Variants in KIAA1549 observed in about 807,000 individuals in gnomAD.
KIAA1549 encodes the protein KIAA1549.
Under a neutral mutation model 156.4 loss-of-function variants are expected in KIAA1549, and 70 were observed. The ratio of observed to expected loss-of-function variants is 0.45; its 90% CI spans 0.37 to 0.55. KIAA1549 has a LOEUF of 0.55. KIAA1549 is among the 20% of genes least tolerant of loss of function. KIAA1549 has a pLI of 0.00. For missense variants in KIAA1549, 2,428 were observed against 2,540.9 expected, an observed-to-expected ratio of 0.96 and a Z score of 0.96; for synonymous variants, 1,103 against 1,066.4, an observed-to-expected ratio of 1.03 and a Z score of -0.67.
At chr7:138,941,332 G>T (rs1813178492) in intron 1 of KIAA1549, among the ~76,000 whole-genome samples, 1 of 152,068 alleles carries the variant, frequency 6.6e-6, no homozygotes, top group Non-Finnish European at 1.5e-5. Context: ...AGATAGTAAA[G>T]AATAAGGCAG....
chr7:138,977,142 C>T (rs566262847), intron 1 of KIAA1549, among the ~76,000 whole-genome samples: 2 of 152,140 alleles, frequency 1.3e-5, no homozygotes, highest in South Asian at 4.2e-4. Flanking sequence ...CTAATCAAAA[C>T]AACCAAAAAC....
At chr7:138,934,919 C>A (rs778913269) in intron 1 of KIAA1549, among the ~76,000 whole-genome samples, 2 of 152,168 alleles carry the variant, frequency 1.3e-5, no homozygotes, top group Admixed American at 1.3e-4. Flanking sequence ...TCAGCACTGG[C>A]AAAATACAAT....
At chr7:138,846,666 G>T (rs1347209622) in intron 17 of KIAA1549, among the ~76,000 whole-genome samples, 1 of 151,110 alleles carries the variant, frequency 6.6e-6, no homozygotes, top group African/African-American at 2.4e-5. Flanking sequence ...AAGTTGTTTT[G>T]ATCTCACAGA....
rs1809588623 is a variant in KIAA1549 at position 138,833,123 on chromosome 7, G to A, written c.*4783C>T. The A allele has an allele frequency of 8.6e-6, 2 of 232,240 alleles. No individual in the cohort carries two copies. The highest frequency in any genetic ancestry group is 6.1e-5 in the East Asian group (1 of 16,472). 14.4% of individuals were successfully genotyped at this position (232,240 alleles called of 1,614,324 possible). A position where few individuals can be genotyped will look rare whatever the true frequency, so the allele number is the denominator to read the frequency against. ...TGGATAAGCAGGCTCTAGTACTGGCGCTGGCACCTTGCTCCGGAGGTAGAA... is the reference window on the plus strand; with the variant it reads ...TGGATAAGCAGGCTCTAGTACTGGCACTGGCACCTTGCTCCGGAGGTAGAA... On this transcript the variant is annotated 3_prime_UTR_variant, in exon 20 of 20. Coordinates refer to ENST00000422774, the MANE Select transcript of KIAA1549 (RefSeq NM_001164665.2).
At chr7:138,863,382 C>T (rs745803810) in intron 15 of KIAA1549, among the ~76,000 whole-genome samples, 3 of 152,146 alleles carry the variant, frequency 2.0e-5, no homozygotes, top group Admixed American at 6.6e-5. Flanking sequence ...AGACAAACTA[C>T]TCTACAGACA....
In KIAA1549 at chr7:138,881,454, G is replaced by C; in HGVS notation, c.4163C>G (p.Ser1388Trp). The C allele has an allele frequency of 6.2e-7, 1 of 1,614,022 alleles. No individual in the cohort carries two copies. Among genetic ancestry groups the C allele is most frequent in the East Asian group, 2.2e-5 (1 of 44,892 alleles). Residue 1388 changes from serine to tryptophan, a missense_variant, in exon 11 of 20, where the codon TCG (serine) becomes TGG (tryptophan). This residue lies in a region of KIAA1549 where 762 missense variants were observed against 901.6 expected (regional missense o/e 0.85). Coordinates refer to ENST00000422774, the MANE Select transcript of KIAA1549 (RefSeq NM_001164665.2). ...PGPLKDHTTP[S>W]ENGDVPSPKS... The stretch of plus-strand genomic sequence containing the variant: ...GGGGCTTGGCACGTCTCCATTTTCC[G>C]AGGGCGTGGTGTGGTCCTTCAGAGG...
intron 4 of KIAA1549, among the ~76,000 whole-genome samples, chr7:138,909,520 G>T (rs1322110751): frequency 1.3e-5 from 2 of 152,208 alleles, no homozygotes; most frequent in Non-Finnish European, 2.9e-5. Context: ...ACAGGGGATA[G>T]ATGAAACAAA....
chr7:138,901,123 C>G (rs766330233), intron 8 of KIAA1549, among the ~76,000 whole-genome samples: 19 of 152,130 alleles, frequency 1.2e-4, no homozygotes, highest in Non-Finnish European at 1.8e-4. Context: ...AATCACATCT[C>G]TCTAGAAATT....
At position 138,869,480 on chromosome 7, in the gene KIAA1549, G is replaced by GC. The variant is rs147868858; in HGVS notation, c.4775+57dup. The GC allele has an allele frequency of 1.4e-3, 1,891 of 1,346,976 alleles. 20 individuals carry two copies. The African/African-American group carries it at 0.024, about 17-fold the overall frequency. 83.4% of individuals were successfully genotyped at this position (1,346,976 alleles called of 1,614,324 possible). On this transcript the variant is annotated intron_variant, in intron 14 of 19. Transcript: ENST00000422774. ...AGAGGGGCTCCTGTCCTGCTCCTGT[G>GC]CCCCCCGCAGCACCTCTGCGCGCCC...
At chr7:138,938,814 G>C (rs542749289) in intron 1 of KIAA1549, among the ~76,000 whole-genome samples, 1 of 152,316 alleles carries the variant, frequency 6.6e-6, no homozygotes, top group East Asian at 1.9e-4. Context: ...TTGGGAGGCT[G>C]AGGCGGGTGC....
chr7:138,897,037 C>G (rs576077907), intron 9 of KIAA1549, among the ~76,000 whole-genome samples: 2 of 152,254 alleles, frequency 1.3e-5, no homozygotes, highest in Non-Finnish European at 2.9e-5. Flanking sequence ...TCCCTGAGAT[C>G]CCAGGATCTT....
At chr7:138,930,576 C>T (rs1812841033) in intron 1 of KIAA1549, among the ~76,000 whole-genome samples, 1 of 152,228 alleles carries the variant, frequency 6.6e-6, no homozygotes, top group South Asian at 2.1e-4. Context: ...AAGCTTCTTT[C>T]CTTAAATCTC....
intron 2 of KIAA1549, among the ~76,000 whole-genome samples, chr7:138,916,470 G>A (rs2130475777): frequency 6.6e-6 from 1 of 152,336 alleles, no homozygotes; most frequent in Non-Finnish European, 1.5e-5. Flanking sequence ...CAAGGGCTGA[G>A]CGTTCTGCAG....
intron 1 of KIAA1549, among the ~76,000 whole-genome samples, chr7:138,929,157 T>C (rs1812803736): frequency 6.6e-6 from 1 of 152,206 alleles, no homozygotes; most frequent in South Asian, 2.1e-4. Flanking sequence ...TGTGATGCTG[T>C]TTGATAGCAT....
chr7:138,952,978 A>G (rs1813543798), intron 1 of KIAA1549, among the ~76,000 whole-genome samples: 2 of 152,248 alleles, frequency 1.3e-5, no homozygotes, highest in African/African-American at 2.4e-5. Context: ...ATTTACCCGT[A>G]AGGACAAATG....
At chr7:138,931,818 ATTGT>A (rs1015620568) in intron 1 of KIAA1549, among the ~76,000 whole-genome samples, 13 of 150,848 alleles carry the variant, frequency 8.6e-5, no homozygotes, top group African/African-American at 3.2e-4. Flanking sequence ...GTCTTTTGTT[ATTGT>A]TTGAGATTCA....
rs1331624758 is a variant in KIAA1549 at position 138,870,564 on chromosome 7, G to C, written c.4551+593C>G. ...ATCCCCAAAGACGGAAACCTGAACT[G>C]CGTTGAAGCGTGAGGAGGATCAGAA... On this transcript the variant is annotated intron_variant, in intron 13 of 19. Transcript: ENST00000422774. Among the ~76,000 whole-genome samples the C allele has an allele frequency of 2.0e-5, 3 of 152,172 alleles. No homozygotes were observed. In the East Asian group the frequency reaches 5.8e-4, roughly 29 times the overall value.
intron 14 of KIAA1549, 29 bp from the exon 15 acceptor site, chr7:138,868,157 T>C (rs766693764): frequency 3.7e-6 from 6 of 1,601,170 alleles, no homozygotes; most frequent in Non-Finnish European, 4.3e-6. Context: ...ATTATCTTCG[T>C]AGGAAATCAC....
chr7:138,899,339 G>C (rs1251829472), intron 8 of KIAA1549, among the ~76,000 whole-genome samples: 81 of 152,282 alleles, frequency 5.3e-4, no homozygotes, highest in Non-Finnish European at 1.5e-5. Flanking sequence ...TGGAGTAACA[G>C]GTTGCTTCAT....
Sources: allele counts gnomAD v4.1 joint callset (sites outside exome capture counted in the v4.1 genomes callset), GRCh38; gene constraint gnomAD v4.1.1; regional missense constraint gnomAD v4.1.1; transcripts MANE v1.5; gene names NCBI Gene and HGNC (gene_info 2026-07-23, HGNC 2026-07-21).